Variants in MSRB3 observed in about 807,000 individuals in gnomAD.
MSRB3 encodes the protein methionine-R-sulfoxide reductase B3.
Under a neutral mutation model 21.0 loss-of-function variants are expected in MSRB3, and 13 were observed. The observed-to-expected ratio is 0.62, with a 90% CI of 0.40 to 0.98. The LOEUF (loss-of-function observed/expected upper bound fraction) is 0.98. Ranked by LOEUF, MSRB3 falls within the 50% of genes least tolerant of loss-of-function variation. MSRB3 has a pLI of 0.00. For synonymous variants in MSRB3, 87 were observed against 88.6 expected (o/e 0.98, Z 0.10); for missense variants, 199 against 230.3 (o/e 0.86, Z 0.88).
At chr12:65,381,659 T>C (rs1878943857) in intron 5 of MSRB3, among the ~76,000 whole-genome samples, 1 of 152,148 alleles carries the variant, frequency 6.6e-6, no homozygotes, top group Non-Finnish European at 1.5e-5. Flanking sequence ...TTTTGTGTTA[T>C]AGAACTATCC....
chr12:65,366,111 T>C (rs1283657605), intron 4 of MSRB3, among the ~76,000 whole-genome samples: 2 of 152,164 alleles, frequency 1.3e-5, no homozygotes, highest in Non-Finnish European at 2.9e-5. Flanking sequence ...GGCCCCCAGG[T>C]GCTCTCAGCC....
chr12:65,378,989 G>A (rs1055238896), intron 5 of MSRB3, among the ~76,000 whole-genome samples: 2 of 152,186 alleles, frequency 1.3e-5, no homozygotes, highest in African/African-American at 4.8e-5. Flanking sequence ...ATATCTTTGA[G>A]AAGTCGAATC....
chr12:65,449,200 T>C (rs1327635917), intron 5 of MSRB3, among the ~76,000 whole-genome samples: 2 of 72,580 alleles, frequency 2.8e-5, no homozygotes, highest in Non-Finnish European at 5.1e-5. Context: ...GGCTAATTTT[T>C]TTGTATTTTT....
chr12:65,374,972 C>G (rs1353673246), intron 5 of MSRB3, among the ~76,000 whole-genome samples: 1 of 151,330 alleles, frequency 6.6e-6, no homozygotes, highest in Non-Finnish European at 1.5e-5. Flanking sequence ...GCTTCAGCCT[C>G]TCGAGTAGCC....
intron 2 of MSRB3, 106 bp downstream of exon 2, chr12:65,308,761 A>C (rs1873806736): frequency 1.3e-6 from 2 of 1,512,828 alleles, no homozygotes. Context: ...ATTTTCTTTT[A>C]CTTGGGCCCT....
chr12:65,455,140 C>G (rs1453754265), intron 6 of MSRB3, among the ~76,000 whole-genome samples: 1 of 152,002 alleles, frequency 6.6e-6, no homozygotes, highest in East Asian at 1.9e-4. Flanking sequence ...TCTTTAACCC[C>G]CTCCACCAGG....
intron 5 of MSRB3, among the ~76,000 whole-genome samples, chr12:65,448,657 T>A (rs1015112678): frequency 6.6e-6 from 1 of 152,216 alleles, no homozygotes; most frequent in Admixed American, 6.5e-5. Flanking sequence ...ACTTGAAATG[T>A]GGCTAGTGTG....
chr12:65,419,034 C>T, intron 5 of MSRB3: 1 of 709,180 alleles, frequency 1.4e-6, no homozygotes, highest in Non-Finnish European at 2.6e-6. Flanking sequence ...ACCAGGCCTC[C>T]ACCTCCCTCA....
At chr12:65,330,891 A>G (rs1172706867) in intron 4 of MSRB3, among the ~76,000 whole-genome samples, 2 of 152,192 alleles carry the variant, frequency 1.3e-5, no homozygotes, top group Admixed American at 6.5e-5. Context: ...TACTTAAGTG[A>G]GAAGGCTGCC....
At chr12:65,341,968 T>C (rs1042802663) in intron 4 of MSRB3, among the ~76,000 whole-genome samples, 5 of 151,932 alleles carry the variant, frequency 3.3e-5, no homozygotes, top group Admixed American at 6.6e-5. Context: ...TAAGAAGTCA[T>C]TTGTAAGGGT....
At position 65,296,355 on chromosome 12, in the gene MSRB3, T is replaced by C. The variant is rs1370486782; in HGVS notation, c.-51-12174T>C. On this transcript the variant is annotated intron_variant, in intron 1 of 6. Coordinates refer to ENST00000308259, the MANE Select transcript of MSRB3 (RefSeq NM_001031679.3). ...ACATTCTCTTTCTCTCTTTTAAACT[T>C]CGTCTTACTTTTCAATCTCCATAAG... Among the ~76,000 whole-genome samples the C allele has an allele frequency of 2.6e-5, 4 of 152,210 alleles. No individual in the cohort carries two copies. In the East Asian group the frequency reaches 7.7e-4, roughly 29 times the overall value.
chr12:65,291,119 C>G (rs1872641097), intron 1 of MSRB3, among the ~76,000 whole-genome samples: 2 of 151,360 alleles, frequency 1.3e-5, no homozygotes, highest in African/African-American at 4.9e-5. Flanking sequence ...GAGTCTCACT[C>G]TTGTCACCCA....
chr12:65,441,813 A>G (rs761556159), intron 5 of MSRB3, among the ~76,000 whole-genome samples: 37 of 152,044 alleles, frequency 2.4e-4, no homozygotes, highest in Non-Finnish European at 4.6e-4. Context: ...TTTTCGATGT[A>G]ATCTATTAAA....
intron 4 of MSRB3, among the ~76,000 whole-genome samples, chr12:65,335,871 T>G (rs1875732449): frequency 6.6e-6 from 1 of 152,228 alleles, no homozygotes. Context: ...TACATTTAAC[T>G]TGAATTTTAA....
At chr12:65,378,401 C>G (rs964646383) in intron 5 of MSRB3, among the ~76,000 whole-genome samples, 3 of 152,122 alleles carry the variant, frequency 2.0e-5, no homozygotes, top group African/African-American at 7.2e-5. Context: ...GCTTACATGT[C>G]TATGGGTTGG....
intron 1 of MSRB3, among the ~76,000 whole-genome samples, chr12:65,303,690 T>A (rs191562835): frequency 6.6e-5 from 10 of 152,220 alleles, no homozygotes; most frequent in Non-Finnish European, 1.5e-4. Context: ...TAAAAGACAC[T>A]GTCACTGTCG....
At chr12:65,430,825 TG>T (rs960444169) in intron 5 of MSRB3, among the ~76,000 whole-genome samples, 1 of 152,094 alleles carries the variant, frequency 6.6e-6, no homozygotes, top group Non-Finnish European at 1.5e-5. Flanking sequence ...TAAAAATGGA[TG>T]TGAAATTTTG....
chr12:65,363,515 G>A (rs547100394), intron 4 of MSRB3, among the ~76,000 whole-genome samples: 5 of 152,126 alleles, frequency 3.3e-5, no homozygotes, highest in East Asian at 1.9e-4. Flanking sequence ...CATGATACTC[G>A]AATTCTCCTA....
intron 5 of MSRB3, among the ~76,000 whole-genome samples, chr12:65,373,663 G>A (rs749820573): frequency 1.3e-5 from 2 of 152,106 alleles, no homozygotes; most frequent in Non-Finnish European, 2.9e-5. Context: ...TCATGAAAGC[G>A]AATTATGGAG....
Sources: allele counts gnomAD v4.1 joint callset (sites outside exome capture counted in the v4.1 genomes callset), GRCh38; gene constraint gnomAD v4.1.1; transcripts MANE v1.5; gene names NCBI Gene and HGNC (gene_info 2026-07-23, HGNC 2026-07-21).